The following STON2 variants were observed in gnomAD, a reference collection of about 807,000 sequenced individuals.
STON2 encodes stonin 2, also known as stonin-2.
A neutral mutation model predicts 65.7 loss-of-function variants in STON2; 29 were observed. That is an observed-to-expected ratio of 0.44 (90% CI 0.33 to 0.60). The LOEUF is 0.60. STON2 is among the 20% of genes least tolerant of loss of function. STON2 has a pLI of 0.03. For synonymous variants in STON2, 404 were observed against 414.2 expected (o/e 0.98, Z 0.30); for missense variants, 1,054 against 1,118.1 (o/e 0.94, Z 0.82).
intron 5 of STON2, among the ~76,000 whole-genome samples, chr14:81,295,091 G>A (rs1895707655): frequency 6.6e-6 from 1 of 152,168 alleles, no homozygotes; most frequent in Non-Finnish European, 1.5e-5. Flanking sequence ...TTAGGAGGCC[G>A]AGGTGGGCGG....
At chr14:81,431,376 A>G (rs1216072985) in intron 1 of STON2, among the ~76,000 whole-genome samples, 1 of 152,166 alleles carries the variant, frequency 6.6e-6, no homozygotes, top group Non-Finnish European at 1.5e-5. Context: ...AGTGGCTCAC[A>G]CCTGTAATCC....
intron 2 of STON2, chr14:81,418,340 C>G (rs1295996350): frequency 6.6e-6 from 1 of 152,184 alleles, no homozygotes; most frequent in Non-Finnish European, 1.5e-5. Flanking sequence ...CAGGAAAGAC[C>G]TGTCCCCATG....
At chr14:81,376,510 A>T (rs980693135) in intron 3 of STON2, among the ~76,000 whole-genome samples, 1 of 152,144 alleles carries the variant, frequency 6.6e-6, no homozygotes, top group African/African-American at 2.4e-5. Flanking sequence ...ATGTCAGGCC[A>T]GGTGCTTTTA....
rs1899386839 is a variant in STON2 at position 81,378,989 on chromosome 14, GATGTTC to G, written c.374-7810_374-7805del. 1.1e-4 allele frequency among the ~76,000 whole-genome samples: 16 copies of G among 150,490 alleles called. 1 individual carries two copies. In the South Asian group the frequency reaches 3.3e-3, roughly 31 times the overall value. ...CCTTGGAGATTCTGATCAAGATGGT[GATGTTC>G]ATTATCCTCTCTTCTGTTCAACATC... On this transcript the variant is annotated intron_variant, in intron 3 of 7. Coordinates refer to ENST00000614646, the MANE Select transcript of STON2 (RefSeq NM_001394390.1).
At chr14:81,270,413 A>G in intron 7 of STON2, 1 of 1,408,216 alleles carries the variant, frequency 7.1e-7, no homozygotes, top group Non-Finnish European at 9.2e-7. Flanking sequence ...GTCATTGCTC[A>G]TAATGACAGA....
chr14:81,430,157 C>T (rs1379232539), intron 1 of STON2, among the ~76,000 whole-genome samples: 1 of 152,208 alleles, frequency 6.6e-6, no homozygotes, highest in Admixed American at 6.5e-5. Flanking sequence ...CCTCCCTGAA[C>T]CTTCCCAGCC....
At chr14:81,338,495 A>G (rs1490584942) in intron 4 of STON2, among the ~76,000 whole-genome samples, 1 of 152,154 alleles carries the variant, frequency 6.6e-6, no homozygotes, top group Non-Finnish European at 1.5e-5. Flanking sequence ...ATGAGAAACC[A>G]GTAAATATAA....
intron 3 of STON2, among the ~76,000 whole-genome samples, chr14:81,381,360 T>A (rs1355539102): frequency 1.3e-5 from 2 of 152,006 alleles, no homozygotes; most frequent in Non-Finnish European, 2.9e-5. Context: ...TTAAAATAAA[T>A]AACTTATTTT....
chr14:81,382,265 A>C (rs1899561163), intron 3 of STON2, among the ~76,000 whole-genome samples: 1 of 152,140 alleles, frequency 6.6e-6, no homozygotes, highest in African/African-American at 2.4e-5. Context: ...ATGTCCATCA[A>C]AAACAGAATG....
Position 81,267,695 on chromosome 14 carries a change from A to C in STON2, c.*719T>G. On this transcript the variant is annotated 3_prime_UTR_variant, in exon 8 of 8. Transcript: ENST00000614646. ...TAATTTTGCCTTCCCCTCAACACCCATTTTGCAGAATGTGGGTCCATTCAC... is the reference window on the plus strand; with the variant it reads ...TAATTTTGCCTTCCCCTCAACACCCCTTTTGCAGAATGTGGGTCCATTCAC... 3 of 985,356 alleles carry C rather than the reference A, an allele frequency of 3.0e-6. No individual in the cohort carries two copies. Among genetic ancestry groups the C allele is most frequent in the Non-Finnish European group, 3.6e-6 (3 of 829,904 alleles). The allele number at this position is 985,356 out of a possible 1,614,324, so 61.0% of individuals were successfully genotyped here.
At chr14:81,270,062 GAAT>G in intron 7 of STON2, 3 of 981,678 alleles carry the variant, frequency 3.1e-6, no homozygotes, top group Non-Finnish European at 3.6e-6. Context: ...TATTGCAAAT[GAAT>G]AATAACAATT....
At chr14:81,370,159 A>G (rs552300761) in intron 4 of STON2, among the ~76,000 whole-genome samples, 2 of 152,364 alleles carry the variant, frequency 1.3e-5, no homozygotes, top group East Asian at 3.9e-4. Flanking sequence ...TCCGAAGCTT[A>G]AAAATGATCT....
At chr14:81,357,651 G>A (rs1395175202) in intron 4 of STON2, among the ~76,000 whole-genome samples, 3 of 152,106 alleles carry the variant, frequency 2.0e-5, no homozygotes, top group Non-Finnish European at 2.9e-5. Flanking sequence ...ATGTCCAACA[G>A]TGATAGACTG....
At chr14:81,339,488 T>A (rs1365673099) in intron 4 of STON2, among the ~76,000 whole-genome samples, 1 of 152,136 alleles carries the variant, frequency 6.6e-6, no homozygotes, top group African/African-American at 2.4e-5. Context: ...GAAAGAACCA[T>A]CTTGTTTCTT....
intron 3 of STON2, among the ~76,000 whole-genome samples, chr14:81,393,405 G>C (rs1354699342): frequency 1.3e-5 from 2 of 151,858 alleles, no homozygotes; most frequent in African/African-American, 4.8e-5. Flanking sequence ...GAGGATACTA[G>C]AGCAGCAGCA....
intron 2 of STON2, among the ~76,000 whole-genome samples, chr14:81,414,881 T>A (rs1317574948): frequency 6.6e-6 from 1 of 152,194 alleles, no homozygotes; most frequent in African/African-American, 2.4e-5. Context: ...GTGAGAATGC[T>A]TGGTGGCCTG....
rs142075412 is a variant in STON2 at position 81,390,580 on chromosome 14, AAAACAAAC to A, written c.373+5306_373+5313del. On this transcript the variant is annotated intron_variant, in intron 3 of 7. Coordinates refer to ENST00000614646, the MANE Select transcript of STON2 (RefSeq NM_001394390.1). ...GACTCCGTCTCAAAAAACAAAACAA[AAAACAAAC>A]AAACAAACAAACAAACAAAAAGTCC... Among the ~76,000 whole-genome samples the A allele has an allele frequency of 3.0e-3, 453 of 152,308 alleles. 2 individuals are homozygous for A. Among genetic ancestry groups the A allele is most frequent in the African/African-American group, 0.01 (428 of 41,548 alleles).
chr14:81,369,349 C>T (rs529884403), intron 4 of STON2, among the ~76,000 whole-genome samples: 1 of 152,252 alleles, frequency 6.6e-6, no homozygotes, highest in African/African-American at 2.4e-5. Context: ...TGGAGGCAGA[C>T]TAATAATGTC....
chr14:81,375,873 C>CTAGTTGTCTGGT (rs1295084724), intron 3 of STON2, among the ~76,000 whole-genome samples: 1 of 150,256 alleles, frequency 6.7e-6, no homozygotes, highest in Non-Finnish European at 1.5e-5. Context: ...ATCTAGTTAT[C>CTAGTTGTCTGGT]TAACTAGTTG....
Sources: allele counts gnomAD v4.1 joint callset (sites outside exome capture counted in the v4.1 genomes callset), GRCh38; gene constraint gnomAD v4.1.1; transcripts MANE v1.5; gene names NCBI Gene and HGNC (gene_info 2026-07-23, HGNC 2026-07-21).